Variants in KCNH1 observed in about 807,000 individuals in gnomAD.
KCNH1 encodes potassium voltage-gated channel subfamily H member 1.
Under a neutral mutation model 69.2 loss-of-function variants are expected in KCNH1, and 27 were observed. The ratio of observed to expected loss-of-function variants is 0.39; its 90% CI spans 0.29 to 0.54. The LOEUF (loss-of-function observed/expected upper bound fraction) is 0.54, where lower values mean the gene tolerates loss of function less well. Ranked by LOEUF, KCNH1 falls within the 20% of genes least tolerant of loss-of-function variation. KCNH1 has a pLI of 0.68. For missense variants in KCNH1, 798 were observed against 1,261.6 expected, an observed-to-expected ratio of 0.63 and a Z score of 5.57; for synonymous variants, 456 against 487.7, an observed-to-expected ratio of 0.93 and a Z score of 0.86.
intron 7 of KCNH1, among the ~76,000 whole-genome samples, chr1:210,811,297 C>A (rs1402116219): frequency 6.6e-6 from 1 of 152,076 alleles, no homozygotes; most frequent in Non-Finnish European, 1.5e-5. Context: ...TTTAACTGGC[C>A]TCCTTTTCCT....
intron 7 of KCNH1, among the ~76,000 whole-genome samples, chr1:210,852,363 A>C (rs1337292056): frequency 6.6e-6 from 1 of 152,216 alleles, no homozygotes; most frequent in African/African-American, 2.4e-5. Flanking sequence ...GCAGCCAAGA[A>C]AAGTAACCAA....
At chr1:210,742,843 CTG>C (rs368616089) in intron 10 of KCNH1, among the ~76,000 whole-genome samples, 17 of 151,768 alleles carry the variant, frequency 1.1e-4, no homozygotes, top group South Asian at 1.0e-3. Flanking sequence ...TGGTGTGTGT[CTG>C]TGTGTGTGTG....
At chr1:210,862,395 G>A (rs1685998944) in intron 7 of KCNH1, 2 of 602,440 alleles carry the variant, frequency 3.3e-6, no homozygotes, top group Admixed American at 4.8e-5. Flanking sequence ...AAGGGCAATG[G>A]TGCAATCTTA....
intron 4 of KCNH1, among the ~76,000 whole-genome samples, chr1:211,084,323 A>T (rs1690913759): frequency 1.3e-5 from 2 of 152,230 alleles, no homozygotes; most frequent in Admixed American, 1.3e-4. Flanking sequence ...AGAAGAGCAG[A>T]GAGTTTATTT....
At chr1:211,037,239 A>C (rs1326618591) in intron 5 of KCNH1, among the ~76,000 whole-genome samples, 1 of 152,186 alleles carries the variant, frequency 6.6e-6, no homozygotes, top group African/African-American at 2.4e-5. Context: ...GTGAGTAAGC[A>C]GAGAAGCTGG....
chr1:211,085,117 T>C (rs1690929836), intron 4 of KCNH1, among the ~76,000 whole-genome samples: 1 of 152,042 alleles, frequency 6.6e-6, no homozygotes, highest in Non-Finnish European at 1.5e-5. Flanking sequence ...TGAGTAAGAT[T>C]TAGGTAGACT....
chr1:210,987,538 T>A (rs1688863448), intron 6 of KCNH1, among the ~76,000 whole-genome samples: 1 of 152,218 alleles, frequency 6.6e-6, no homozygotes, highest in Non-Finnish European at 1.5e-5. Context: ...TGGAGTTTGC[T>A]GGAAGTCCAC....
chr1:210,742,121 G>C (rs1430670553), intron 10 of KCNH1, among the ~76,000 whole-genome samples: 2 of 152,196 alleles, frequency 1.3e-5, no homozygotes, highest in Non-Finnish European at 2.9e-5. Context: ...CTAGCAAGTT[G>C]AGTCACAGAA....
At chr1:210,909,096 G>A (rs1687174425) in intron 7 of KCNH1, among the ~76,000 whole-genome samples, 1 of 152,168 alleles carries the variant, frequency 6.6e-6, no homozygotes, top group Non-Finnish European at 1.5e-5. Flanking sequence ...GGTCACAATG[G>A]GGAAAAGCGA....
chr1:210,769,161 AG>A lies in KCNH1; in HGVS notation c.2112+6186del, dbSNP rs1391339471. 2.0e-5 allele frequency among the ~76,000 whole-genome samples: 3 copies of A among 152,308 alleles called. No homozygotes were observed. In the East Asian group the frequency reaches 5.8e-4, roughly 29 times the overall value. ...TTTAAAACTTAGGCTATGATGACTCAGGGGGGAAGTGGATGACATTTTTAAG... is the reference window on the plus strand; with the variant it reads ...TTTAAAACTTAGGCTATGATGACTCAGGGGGAAGTGGATGACATTTTTAAG... On this transcript the variant is annotated intron_variant, in intron 10 of 10. Coordinates refer to ENST00000271751, the MANE Select transcript of KCNH1 (RefSeq NM_172362.3).
intron 5 of KCNH1, among the ~76,000 whole-genome samples, chr1:211,025,023 C>G (rs563593314): frequency 4.6e-5 from 7 of 152,260 alleles, no homozygotes; most frequent in Non-Finnish European, 1.0e-4. Context: ...CTGAGTAACT[C>G]AGGCTTTTAA....
At chr1:210,742,859 G>A (rs576913656) in intron 10 of KCNH1, among the ~76,000 whole-genome samples, 17 of 152,156 alleles carry the variant, frequency 1.1e-4, no homozygotes, top group East Asian at 3.9e-4. Flanking sequence ...GTGTGTGTGC[G>A]CGCGCGCGTG....
intron 7 of KCNH1, among the ~76,000 whole-genome samples, chr1:210,815,878 C>G (rs545972841): frequency 2.6e-5 from 4 of 152,330 alleles, no homozygotes; most frequent in Admixed American, 2.0e-4. Flanking sequence ...AGGTAACACA[C>G]AGATCCCACA....
chr1:210,959,350 T>C (rs1198218913), intron 6 of KCNH1, among the ~76,000 whole-genome samples: 1 of 152,160 alleles, frequency 6.6e-6, no homozygotes, highest in African/African-American at 2.4e-5. Context: ...GGGAGGTGTG[T>C]CCCAGTTAGG....
intron 6 of KCNH1, among the ~76,000 whole-genome samples, chr1:210,973,074 C>G (rs1337279064): frequency 6.6e-6 from 1 of 152,068 alleles, no homozygotes; most frequent in Non-Finnish European, 1.5e-5. Flanking sequence ...CTTCCTCATT[C>G]TGTAGCACCC....
intron 6 of KCNH1, among the ~76,000 whole-genome samples, chr1:210,987,881 G>A (rs1262864290): frequency 1.3e-5 from 2 of 152,198 alleles, no homozygotes; most frequent in African/African-American, 4.8e-5. Flanking sequence ...GCCCCTAGAG[G>A]TGGAGCCTAC....
chr1:211,074,135 T>C (rs192558923), intron 5 of KCNH1, among the ~76,000 whole-genome samples: 13 of 144,678 alleles, frequency 9.0e-5, no homozygotes, highest in Middle Eastern at 3.9e-3. Flanking sequence ...ACTGAGTAAC[T>C]ACTATGTGCC....
intron 5 of KCNH1, among the ~76,000 whole-genome samples, chr1:211,045,094 G>GAATA (rs1030747907): frequency 9.7e-5 from 7 of 72,070 alleles, no homozygotes; most frequent in African/African-American, 2.5e-4. Context: ...AATAAAAAGG[G>GAATA]AATGAATTAA....
At chr1:210,825,213 A>G (rs1685010785) in intron 7 of KCNH1, among the ~76,000 whole-genome samples, 1 of 152,218 alleles carries the variant, frequency 6.6e-6, no homozygotes, top group Admixed American at 6.5e-5. Flanking sequence ...TGTTCTATGA[A>G]GACAACAGCT....
Sources: allele counts gnomAD v4.1 joint callset (sites outside exome capture counted in the v4.1 genomes callset), GRCh38; gene constraint gnomAD v4.1.1; transcripts MANE v1.5; gene names NCBI Gene and HGNC (gene_info 2026-07-23, HGNC 2026-07-21).